The following INTS1 variants were observed in gnomAD, a reference collection of about 807,000 sequenced individuals.
INTS1 encodes integrator complex subunit 1.
Under a neutral mutation model 241.6 loss-of-function variants are expected in INTS1, and 137 were observed. That is an observed-to-expected ratio of 0.57 (90% CI 0.49 to 0.65). INTS1 has a LOEUF of 0.65. Among genes scored for constraint, INTS1 ranks in the 30% least tolerant of loss-of-function variants. The pLI, the probability that INTS1 is intolerant of heterozygous loss-of-function variation, is 0.00. For missense variants in INTS1, 3,073 were observed against 3,032.2 expected, an observed-to-expected ratio of 1.01 and a Z score of -0.32; for synonymous variants, 1,692 against 1,337.8, an observed-to-expected ratio of 1.26 and a Z score of -5.78.
Position 1,493,013 on chromosome 7 carries a change from G to C in INTS1, c.2162C>G (p.Pro721Arg), listed in dbSNP as rs745998142. ...YHHPENIQLP[P>R]GYQPPNLAIS... ...GGGGAGCGGGGCGTGGGCTTACCCC[G>C]GTGGGAGCTGGATGTTTTCAGGGTG... The change falls in exon 16 of 48, where the codon CCG becomes CGG. Residue 721 changes from proline (P) to arginine (R), a missense_variant. Pro to Arg is a moderately radical substitution (Grantham distance 103). Coordinates refer to ENST00000404767, the MANE Select transcript of INTS1 (RefSeq NM_001080453.3). The surrounding 1 kb of genome is among the most constrained non-coding windows in gnomAD (Gnocchi z 5.3). 1.4e-5 allele frequency: 23 copies of C among 1,611,944 alleles called. No homozygotes were observed. The highest frequency in any genetic ancestry group is 2.0e-5 in the Non-Finnish European group (23 of 1,178,538).
intron 16 of INTS1, among the ~76,000 whole-genome samples, chr7:1,489,886 C>T (rs772655315): frequency 2.6e-5 from 4 of 151,906 alleles, no homozygotes; most frequent in Non-Finnish European, 5.9e-5. Context: ...TCTGTCCTTA[C>T]CTTTCTAAGT....
chr7:1,476,523 G>GGATGGGCCACCCCCTCTCCCA (rs1562488315), intron 37 of INTS1, 47 bp downstream of exon 37: 9 of 1,609,838 alleles, frequency 5.6e-6, no homozygotes, highest in East Asian at 4.5e-5. Context: ...CCCCTCTCCC[G>GGATGGGCCACCCCCTCTCCCA]GATGGGCCAC....
chr7:1,484,728 G>A (rs942798637), intron 24 of INTS1, among the ~76,000 whole-genome samples: 18 of 152,194 alleles, frequency 1.2e-4, no homozygotes, highest in Non-Finnish European at 2.1e-4. Flanking sequence ...CCTCACCCCC[G>A]TGGCTTCGCA....
intron 17 of INTS1, 66 bp from the exon 18 acceptor site, chr7:1,489,470 C>T: frequency 6.4e-7 from 1 of 1,554,674 alleles, no homozygotes; most frequent in Non-Finnish European, 8.7e-7. Flanking sequence ...ACCCCCGCTT[C>T]TCCCAGCTCC....
intron 30 of INTS1, 118 bp downstream of exon 30, chr7:1,480,199 G>T: frequency 1.6e-6 from 2 of 1,217,926 alleles, no homozygotes; most frequent in Non-Finnish European, 1.1e-6. Context: ...TGCGTGTGCA[G>T]CGTGCCTGGG....
chr7:1,503,299 G>C, intron 2 of INTS1, 108 bp from the exon 3 acceptor site: 1 of 1,239,594 alleles, frequency 8.1e-7, no homozygotes, highest in Non-Finnish European at 1.1e-6. Flanking sequence ...AGGGTCAGAG[G>C]AGGCAAGGAA....
rs557528129 is a variant in INTS1, at chr7:1,470,625, C to G, written c.6525G>C (p.Ala2175=). ...GGATCCTCAGGGCCTCGGAGATCTG[C>G]GCGCTGGGGTCCATCTGGCCGTACA... The part of the protein sequence containing the change: ...VGMYGQMDPS[A]QISEALRILH... The change falls in exon 48 of 48, where the codon GCG becomes GCC. Residue 2175 remains alanine, a synonymous_variant. Transcript: ENST00000404767. The G allele has an allele frequency of 6.3e-7, 1 of 1,587,296 alleles. No individual in the cohort carries two copies. The highest frequency in any genetic ancestry group is 1.1e-5 in the South Asian group (1 of 87,330).
chr7:1,490,179 C>T (rs956271860), intron 16 of INTS1, among the ~76,000 whole-genome samples: 2 of 152,196 alleles, frequency 1.3e-5, no homozygotes, highest in Admixed American at 1.3e-4. Flanking sequence ...CAGCACCTGC[C>T]GAAGGAGAGA....
intron 40 of INTS1, 54 bp from the exon 41 acceptor site, chr7:1,474,414 A>G: frequency 6.6e-7 from 1 of 1,507,112 alleles, no homozygotes; most frequent in South Asian, 1.3e-5. Flanking sequence ...CACCTGGCGC[A>G]CGTCCCCAGG....
chr7:1,475,925 G>T, intron 39 of INTS1, 23 bp downstream of exon 39: 1 of 1,526,856 alleles, frequency 6.5e-7, no homozygotes, highest in African/African-American at 1.4e-5. Context: ...CGGCGGCGGG[G>T]AGCGGCAGAG....
chr7:1,473,034 C>A (rs202026423), intron 43 of INTS1, 38 bp downstream of exon 43: 7 of 1,425,322 alleles, frequency 4.9e-6, no homozygotes, highest in Non-Finnish European at 5.8e-6. Flanking sequence ...AGGACTGTTC[C>A]GCAGCTGCTT....
intron 27 of INTS1, 28 bp downstream of exon 27, chr7:1,482,518 C>G: frequency 1.3e-6 from 2 of 1,577,664 alleles, no homozygotes; most frequent in Non-Finnish European, 1.7e-6. Flanking sequence ...AGTCAGCAGC[C>G]CCTGCCCAAG....
chr7:1,470,593 A>G lies in INTS1; in HGVS notation c.6557T>C (p.Met2186Thr), dbSNP rs1009537830. 1.9e-6 allele frequency: 3 copies of G among 1,573,374 alleles called. No homozygotes were observed. The highest frequency in any genetic ancestry group is 2.6e-6 in the Non-Finnish European group (3 of 1,160,502). Residue 2186 changes from methionine to threonine, a missense_variant, in exon 48 of 48, where the codon ATG becomes ACG. Transcript: ENST00000404767. ...QISEALRILH[M>T]EAVM ...GCCACAGGCTCACATCACGGCCTCC[A>G]TATGCAGGATCCTCAGGGCCTCGGA...
intron 41 of INTS1, 95 bp downstream of exon 41, chr7:1,474,073 G>T: frequency 7.3e-7 from 1 of 1,367,542 alleles, no homozygotes; most frequent in Non-Finnish European, 9.7e-7. Context: ...TGGCTGCAGA[G>T]GTCCTCCCAG....
rs756539915 is a variant in INTS1 at position 1,470,798 on chromosome 7, G to A, written c.6457+48C>T. The A allele has an allele frequency of 2.3e-4, 341 of 1,498,838 alleles. 1 individual carries two copies. In the Middle Eastern group the frequency reaches 7.5e-3, roughly 33 times the overall value. The allele number at this position is 1,498,838 out of a possible 1,614,324, so 92.8% of individuals were successfully genotyped here. ...GCCAGCCCTCGGGGGACGCACCTCC[G>A]GCCTCCCCGAGGGCTGCCAGGGCCC... is the stretch of plus-strand genomic sequence containing the variant. On this transcript the variant is annotated intron_variant, in intron 47 of 47. Coordinates refer to ENST00000404767, the MANE Select transcript of INTS1 (RefSeq NM_001080453.3).
At position 1,499,984 on chromosome 7, in the gene INTS1, T is replaced by C. The variant is rs995786398; in HGVS notation, c.584A>G (p.Asn195Ser). Residue 195 changes from asparagine (N) to serine (S), a missense_variant, in exon 5 of 48, where the codon AAC (asparagine) becomes AGC (serine). Asn to Ser is a conservative substitution (Grantham distance 46). Coordinates refer to ENST00000404767, the MANE Select transcript of INTS1 (RefSeq NM_001080453.3). ...CAGGCTGTTCCCCTTGGCCTTGAAG[T>C]TGATGGAGGCGTCCCGCCGCAGGAG... ...CSLLRRDASINFKAKGNSLVS... is the reference protein window; with the variant it reads ...CSLLRRDASISFKAKGNSLVS... The C allele has an allele frequency of 3.1e-6, 5 of 1,613,382 alleles. No homozygotes were observed. Among genetic ancestry groups the C allele is most frequent in the East Asian group, 2.2e-5 (1 of 44,886 alleles).
In INTS1 at chr7:1,493,655, C is replaced by T. The variant is rs1048203353; in HGVS notation, c.2068+99G>A. ...GACCCAGGACCCAGCTGAAGCGCAG[C>T]TTTGTGGAGCGCCCCAGAGGTGCGT... is the stretch of plus-strand genomic sequence containing the variant. On this transcript the variant is annotated intron_variant, in intron 15 of 47. Transcript: ENST00000404767. The surrounding 1 kb of genome is among the most constrained non-coding windows in gnomAD (Gnocchi z 5.3). The T allele has an allele frequency of 7.0e-7, 1 of 1,428,916 alleles. No homozygotes were observed. Among genetic ancestry groups the T allele is most frequent in the African/African-American group, 1.4e-5 (1 of 69,496 alleles). The allele number at this position is 1,428,916 out of a possible 1,614,324, so 88.5% of individuals were successfully genotyped here.
chr7:1,478,774 G>T lies in INTS1; in HGVS notation c.4441C>A (p.Leu1481Ile). Residue 1481 changes from leucine (L) to isoleucine (I), a missense_variant, in exon 32 of 48, where the codon CTC (leucine) becomes ATC (isoleucine). Coordinates refer to ENST00000404767, the MANE Select transcript of INTS1 (RefSeq NM_001080453.3). ...GVEGGPLRAQ[L>I]RMLASQASAG... ...GAGGCCTGGCTGGCAAGCATCCTGA[G>T]CTGTGCCCGCAGGGGCCCGCCCTCC... 1 of 1,602,586 alleles carries T rather than the reference G, an allele frequency of 6.2e-7. No homozygotes were observed.
In INTS1 at chr7:1,482,337, C is replaced by T. The variant is rs186607509; in HGVS notation, c.3703+209G>A. 108 of 450,904 alleles carry T rather than the reference C, an allele frequency of 2.4e-4. 1 individual carries two copies. The East Asian group carries it at 2.9e-3, about 12-fold the overall frequency. 27.9% of individuals were successfully genotyped at this position (450,904 alleles called of 1,614,324 possible). ...AGCCTGACAGTAAGACCCTCTCGGA[C>T]GGGGCCAGCACAGGCTGCCCTAGGT... On this transcript the variant is annotated intron_variant, in intron 27 of 47. Coordinates refer to ENST00000404767, the MANE Select transcript of INTS1 (RefSeq NM_001080453.3).
Sources: gnomAD v4.1 joint callset for allele counts (sites outside exome capture counted in the v4.1 genomes callset) on GRCh38, gnomAD v4.1.1 for gene constraint, Gnocchi (gnomAD v3.1) non-coding constraint, MANE v1.5 for transcripts, NCBI Gene and HGNC (gene_info 2026-07-23, HGNC 2026-07-21) for gene names.